Variants in PRSS12 observed in about 807,000 individuals in gnomAD.
PRSS12 encodes the protein serine protease 12.
In PRSS12, 85 loss-of-function variants were observed where a neutral mutation model predicts 104.4. The observed-to-expected ratio is 0.81, with a 90% CI of 0.68 to 0.98. The LOEUF is 0.98. PRSS12 is among the 50% of genes least tolerant of loss of function. PRSS12 has a pLI of 0.00. For missense variants in PRSS12, 1,141 were observed against 1,139.2 expected (o/e 1.00, Z -0.02); for synonymous variants, 454 against 425.2 (o/e 1.07, Z -0.83).
At chr4:118,294,083 TG>T (rs1438944235) in intron 11 of PRSS12, among the ~76,000 whole-genome samples, 2 of 152,222 alleles carry the variant, frequency 1.3e-5, no homozygotes, top group Non-Finnish European at 2.9e-5. Context: ...GGCAAAGGTA[TG>T]TACCGTATGA....
intron 4 of PRSS12, among the ~76,000 whole-genome samples, chr4:118,325,631 T>C (rs1723751428): frequency 6.6e-6 from 1 of 152,066 alleles, no homozygotes; most frequent in Non-Finnish European, 1.5e-5. Context: ...ACCAAAATAA[T>C]TGATGACTCT....
rs775761093 is a variant in PRSS12, at chr4:118,295,767, G to A, written c.1916+11C>T. The A allele has an allele frequency of 4.5e-5, 73 of 1,606,648 alleles. No individual in the cohort carries two copies. The highest frequency in any genetic ancestry group is 6.0e-5 in the Non-Finnish European group (70 of 1,173,316). ...TGTAATATAAAAAATCTCTTTTGGA[G>A]GAACATTTACCTTAAAGAATTTTTC... is the stretch of plus-strand genomic sequence containing the variant. On this transcript the variant is annotated intron_variant, in intron 10 of 12. Transcript: ENST00000296498.
intron 9 of PRSS12, 37 bp from the exon 10 acceptor site, chr4:118,295,893 T>C: frequency 4.5e-6 from 7 of 1,558,028 alleles, no homozygotes; most frequent in Non-Finnish European, 5.3e-6. Flanking sequence ...AACTATCACA[T>C]TGCTGACAGA....
In PRSS12 at chr4:118,316,177, C is replaced by T. The variant is rs1276380478; in HGVS notation, c.1292+5G>A. 8 of 1,613,560 alleles carry T rather than the reference C, an allele frequency of 5.0e-6. No homozygotes were observed. The highest frequency in any genetic ancestry group is 6.8e-6 in the Non-Finnish European group (8 of 1,179,892). On this transcript the variant is annotated splice_donor_5th_base_variant and intron_variant, in intron 6 of 12. Transcript: ENST00000296498. The stretch of plus-strand genomic sequence containing the variant: ...TTAACTGCCTTTATAATTAATGAAC[C>T]TTACTTAAATCCCAATTGTCGACAA...
chr4:118,348,880 G>T (rs1378750431), intron 1 of PRSS12, among the ~76,000 whole-genome samples: 1 of 150,842 alleles, frequency 6.6e-6, no homozygotes, highest in Non-Finnish European at 1.5e-5. Flanking sequence ...TCGAACTCCC[G>T]ACCTCAGGTG....
At chr4:118,333,549 TA>T (rs1723979656) in intron 3 of PRSS12, among the ~76,000 whole-genome samples, 1 of 152,232 alleles carries the variant, frequency 6.6e-6, no homozygotes, top group African/African-American at 2.4e-5. Context: ...TGAATGATGG[TA>T]ATATAATTCT....
At chr4:118,318,692 TG>T in intron 4 of PRSS12, 136 bp from the exon 5 acceptor site, 1 of 907,728 alleles carries the variant, frequency 1.1e-6, no homozygotes, top group African/African-American at 1.7e-5. Flanking sequence ...CATGACTTTC[TG>T]TATTTCTTTT....
chr4:118,330,958 G>C (rs1375446569), intron 4 of PRSS12, among the ~76,000 whole-genome samples: 1 of 152,112 alleles, frequency 6.6e-6, no homozygotes, highest in Admixed American at 6.5e-5. Flanking sequence ...GGGAAGAACA[G>C]GCCTCCCATC....
Position 118,352,856 on chromosome 4 carries a change from C to T in PRSS12, c.-136G>A. ...CTCCCGCCCCCGCACGCGGACCGCC[C>T]TCGCCTCCCCAACCTTGCCTCCCGC... On this transcript the variant is annotated 5_prime_UTR_variant, in exon 1 of 13. Transcript: ENST00000296498. 6.8e-7 allele frequency: 1 copy of T among 1,472,966 alleles called. No homozygotes were observed. The highest frequency in any genetic ancestry group is 9.0e-7 in the Non-Finnish European group (1 of 1,112,580). The allele number at this position is 1,472,966 out of a possible 1,614,324, so 91.2% of individuals were successfully genotyped here.
At chr4:118,319,219 C>A (rs1287114097) in intron 4 of PRSS12, among the ~76,000 whole-genome samples, 2 of 152,100 alleles carry the variant, frequency 1.3e-5, no homozygotes, top group Non-Finnish European at 2.9e-5. Flanking sequence ...GCCACCACAC[C>A]TGGCTAATTT....
rs59765581 is a variant in PRSS12 at position 118,319,666 on chromosome 4, C to T, written c.972-1110G>A. On this transcript the variant is annotated intron_variant, in intron 4 of 12. Transcript: ENST00000296498. ...AGTTCTTTGTTACTCACAGCCAAATCTACTTCTTTTTTAATGTTGTTGTTA... is the reference window on the plus strand; with the variant it reads ...AGTTCTTTGTTACTCACAGCCAAATTTACTTCTTTTTTAATGTTGTTGTTA... Among the ~76,000 whole-genome samples the T allele has an allele frequency of 3.7e-3, 570 of 152,132 alleles. 4 individuals carry two copies. The highest frequency in any genetic ancestry group is 0.013 in the African/African-American group (543 of 41,518).
chr4:118,312,206 A>G (rs1329462354), intron 7 of PRSS12, among the ~76,000 whole-genome samples: 2 of 152,192 alleles, frequency 1.3e-5, no homozygotes, highest in African/African-American at 4.8e-5. Flanking sequence ...AGTATGTAAT[A>G]TGGTTAATAC....
At chr4:118,330,158 T>C (rs1271595554) in intron 4 of PRSS12, among the ~76,000 whole-genome samples, 1 of 152,184 alleles carries the variant, frequency 6.6e-6, no homozygotes. Context: ...GGTCCCATAG[T>C]CAGTTTCAGG....
At chr4:118,352,124 C>A in intron 1 of PRSS12, 95 bp downstream of exon 1, 1 of 1,539,094 alleles carries the variant, frequency 6.5e-7, no homozygotes, top group Non-Finnish European at 8.8e-7. Context: ...CCCCACACAC[C>A]CCGTCACTTT....
At position 118,282,767 on chromosome 4, in the gene PRSS12, C is replaced by T. The variant is rs549424679; in HGVS notation, c.2320+64G>A. 134 of 1,606,308 alleles carry T rather than the reference C, an allele frequency of 8.3e-5. No individual in the cohort carries two copies. The African/African-American group carries it at 1.6e-3, about 19-fold the overall frequency. On this transcript the variant is annotated intron_variant, in intron 12 of 12. Transcript: ENST00000296498. ...ATTTAAGATCTTATTGCCCATTGCA[C>T]ACCCAAATATATGGATAATACCAGA...
At chr4:118,324,259 T>A (rs1380475552) in intron 4 of PRSS12, among the ~76,000 whole-genome samples, 1 of 151,940 alleles carries the variant, frequency 6.6e-6, no homozygotes, top group African/African-American at 2.4e-5. Flanking sequence ...AGAAGTAATA[T>A]CCATGGCCAA....
intron 7 of PRSS12, 64 bp from the exon 8 acceptor site, chr4:118,308,641 G>A (rs1743621427): frequency 4.5e-6 from 7 of 1,566,210 alleles, no homozygotes; most frequent in Admixed American, 1.7e-5. Flanking sequence ...AAGCATGAGC[G>A]ACTCTACAAA....
At chr4:118,307,854 C>G (rs987674839) in intron 8 of PRSS12, among the ~76,000 whole-genome samples, 4 of 151,854 alleles carry the variant, frequency 2.6e-5, no homozygotes, top group African/African-American at 9.7e-5. Context: ...TAAATGGGGG[C>G]CATTTTAAAC....
At chr4:118,348,662 T>TC (rs1724414749) in intron 1 of PRSS12, among the ~76,000 whole-genome samples, 1 of 151,712 alleles carries the variant, frequency 6.6e-6, no homozygotes, top group Admixed American at 6.6e-5. Flanking sequence ...TTCTTTTTTT[T>TC]TTTTTTGAGA....
Sources: allele counts gnomAD v4.1 joint callset (sites outside exome capture counted in the v4.1 genomes callset), GRCh38; gene constraint gnomAD v4.1.1; transcripts MANE v1.5; gene names NCBI Gene and HGNC (gene_info 2026-07-23, HGNC 2026-07-21).